SNTG2: variants seen among roughly 807,000 people sequenced by gnomAD.
SNTG2 encodes syntrophin gamma 2.
SNTG2 carries 74 observed loss-of-function variants against 70.9 expected under a neutral mutation model. The observed-to-expected ratio is 1.04, with a 90% CI of 0.86 to 1.27. The LOEUF (loss-of-function observed/expected upper bound fraction) is 1.27, where lower values mean the gene tolerates loss of function less well. SNTG2 is among the 50% of genes most tolerant of loss of function. The pLI is 0.00. For missense variants in SNTG2, 717 were observed against 690.7 expected, an observed-to-expected ratio of 1.04 and a Z score of -0.43; for synonymous variants, 278 against 273.8, an observed-to-expected ratio of 1.02 and a Z score of -0.15.
Position 1,258,764 on chromosome 2 carries a change from A to T in SNTG2, c.1006-606A>T, listed in dbSNP as rs1678258290. 2.6e-5 allele frequency among the ~76,000 whole-genome samples: 4 copies of T among 152,354 alleles called. No homozygotes were observed. In the South Asian group the frequency reaches 8.3e-4, roughly 32 times the overall value. ...GAGCTTGAATTGTGAAACATACAGC[A>T]TTATTCGACAGTGAGATTAGTTTGG... On this transcript the variant is annotated intron_variant, in intron 12 of 16. Coordinates refer to ENST00000308624, the MANE Select transcript of SNTG2 (RefSeq NM_018968.4).
chr2:1,283,815 G>A (rs1414675681), intron 14 of SNTG2, among the ~76,000 whole-genome samples: 1 of 152,184 alleles, frequency 6.6e-6, no homozygotes, highest in Non-Finnish European at 1.5e-5. Context: ...GAATTAAAGC[G>A]AGTCTTGGGC....
intron 1 of SNTG2, among the ~76,000 whole-genome samples, chr2:1,069,925 G>A (rs1158795153): frequency 6.6e-6 from 1 of 152,126 alleles, no homozygotes; most frequent in East Asian, 1.9e-4. Context: ...ATCCCGGGAA[G>A]CCCACTCCTC....
intron 4 of SNTG2, among the ~76,000 whole-genome samples, chr2:1,122,300 C>T (rs1667425441): frequency 6.6e-6 from 1 of 152,092 alleles, no homozygotes; most frequent in African/African-American, 2.4e-5. Context: ...AAAGATGTCA[C>T]TAACAATGAA....
chr2:1,062,114 G>A (rs1404842755), intron 1 of SNTG2, among the ~76,000 whole-genome samples: 1 of 152,138 alleles, frequency 6.6e-6, no homozygotes, highest in East Asian at 1.9e-4. Flanking sequence ...CACACCATTT[G>A]ACTGAAAATA....
chr2:953,939 T>C (rs1211547611), intron 1 of SNTG2, among the ~76,000 whole-genome samples: 2 of 151,868 alleles, frequency 1.3e-5, no homozygotes, highest in African/African-American at 2.4e-5. Context: ...CCCATGAGGC[T>C]CTGAGTGAGT....
intron 6 of SNTG2, among the ~76,000 whole-genome samples, chr2:1,141,107 C>G (rs572308811): frequency 6.6e-6 from 1 of 152,162 alleles, no homozygotes; most frequent in Non-Finnish European, 1.5e-5. Flanking sequence ...TGGGAAGCCC[C>G]ATTCACAGAA....
chr2:1,005,030 C>CA lies in SNTG2; in HGVS notation c.72+53969dup, dbSNP rs553487268. Among the ~76,000 whole-genome samples, 516 of 151,990 alleles carry CA rather than the reference C, an allele frequency of 3.4e-3. 4 individuals are homozygous for CA. Among genetic ancestry groups the CA allele is most frequent in the African/African-American group, 0.011 (451 of 41,454 alleles). ...TAAAAAGAAATGAACTATCAAGCCA[C>CA]AAAAAAATGGAGGAAATTTACATGC... is the stretch of plus-strand genomic sequence containing the variant. On this transcript the variant is annotated intron_variant, in intron 1 of 16. Transcript: ENST00000308624.
chr2:1,335,038 A>G (rs149918709), intron 16 of SNTG2, among the ~76,000 whole-genome samples: 90 of 152,340 alleles, frequency 5.9e-4, no homozygotes, highest in African/African-American at 2.0e-3. Context: ...TTTCTTCTTG[A>G]TTATAATCTT....
At position 1,327,369 on chromosome 2, in the gene SNTG2, T is replaced by G. The variant is rs529181217; in HGVS notation, c.1488+10994T>G. Among the ~76,000 whole-genome samples, 6 of 152,300 alleles carry G rather than the reference T, an allele frequency of 3.9e-5. No homozygotes were observed. In the South Asian group the frequency reaches 1.2e-3, roughly 32 times the overall value. On this transcript the variant is annotated intron_variant, in intron 16 of 16. Transcript: ENST00000308624. ...TATTTAATAATTGCTGTCTTAGTAT[T>G]ATATCTATTTGGAAATGACTGATAT...
Position 1,238,017 on chromosome 2 carries a change from C to T in SNTG2, c.849C>T (p.Asn283=), listed in dbSNP as rs1043612808. The change falls in exon 10 of 17, where the codon AAC becomes AAT. Residue 283 remains asparagine (N), a splice_region_variant and synonymous_variant. Transcript: ENST00000308624. The part of the protein sequence containing the change: ...SANIRELTLQ[N]MKMANKCCSP... ...ACATCAGGGAGCTGACACTTCAGAA[C>T]GTGAGCACACGGTGTTTCTGAGTCT... 19 of 1,608,364 alleles carry T rather than the reference C, an allele frequency of 1.2e-5. No homozygotes were observed. Among genetic ancestry groups the T allele is most frequent in the African/African-American group, 9.4e-5 (7 of 74,850 alleles).
intron 6 of SNTG2, among the ~76,000 whole-genome samples, chr2:1,162,050 G>C (rs1670340045): frequency 7.1e-6 from 1 of 140,710 alleles, no homozygotes; most frequent in Non-Finnish European, 1.5e-5. Context: ...CTCCAGCCTG[G>C]GCGACAGTGA....
At chr2:1,327,549 T>C (rs1460570636) in intron 16 of SNTG2, among the ~76,000 whole-genome samples, 1 of 152,198 alleles carries the variant, frequency 6.6e-6, no homozygotes, top group African/African-American at 2.4e-5. Context: ...AGCTGTTTAA[T>C]TTATCTATTC....
Position 1,174,893 on chromosome 2 carries a change from C to T in SNTG2, c.591+1710C>T, listed in dbSNP as rs559541294. On this transcript the variant is annotated intron_variant, in intron 8 of 16. Coordinates refer to ENST00000308624, the MANE Select transcript of SNTG2 (RefSeq NM_018968.4). ...AAGGTGATCTTTTTTCTTACAAATC[C>T]ATTGAAATGTTTAATATACACTTGG... Among the ~76,000 whole-genome samples the T allele has an allele frequency of 3.9e-5, 6 of 152,124 alleles. No individual in the cohort carries two copies. The East Asian group carries it at 1.2e-3, about 29-fold the overall frequency.
At chr2:1,352,999 A>C (rs1301507491) in intron 16 of SNTG2, among the ~76,000 whole-genome samples, 1 of 152,100 alleles carries the variant, frequency 6.6e-6, no homozygotes, top group East Asian at 1.9e-4. Flanking sequence ...GTCCTGCCTC[A>C]CAAAGACATC....
chr2:1,302,897 T>C (rs1252808077), intron 14 of SNTG2, among the ~76,000 whole-genome samples: 1 of 146,944 alleles, frequency 6.8e-6, no homozygotes, highest in African/African-American at 2.5e-5. Context: ...GCAGAGAGAG[T>C]GGCGTTATAG....
chr2:1,279,081 CCT>C (rs71902048), intron 14 of SNTG2, among the ~76,000 whole-genome samples: 11 of 105,292 alleles, frequency 1.0e-4, no homozygotes, highest in Non-Finnish European at 1.3e-4. Flanking sequence ...GCGAATGACC[CCT>C]CTGTCAGTGC....
At chr2:1,021,371 T>C (rs1252878076) in intron 1 of SNTG2, among the ~76,000 whole-genome samples, 2 of 152,130 alleles carry the variant, frequency 1.3e-5, no homozygotes, top group African/African-American at 4.8e-5. Flanking sequence ...TCAAGCACGC[T>C]CTCATAATAC....
chr2:1,333,658 G>T (rs566080553), intron 16 of SNTG2, among the ~76,000 whole-genome samples: 2 of 152,216 alleles, frequency 1.3e-5, no homozygotes, highest in African/African-American at 4.8e-5. Flanking sequence ...AACTGATCTT[G>T]ACAAAGCATA....
At chr2:1,214,446 T>C (rs536473192) in intron 9 of SNTG2, among the ~76,000 whole-genome samples, 69 of 152,190 alleles carry the variant, frequency 4.5e-4, no homozygotes, top group Non-Finnish European at 9.0e-4. Flanking sequence ...TTTTTCATTG[T>C]ACAGATCTTT....
Sources: gnomAD v4.1 joint callset for allele counts (sites outside exome capture counted in the v4.1 genomes callset) on GRCh38, gnomAD v4.1.1 for gene constraint, MANE v1.5 for transcripts, NCBI Gene and HGNC (gene_info 2026-07-23, HGNC 2026-07-21) for gene names.